EZH1: variants seen among roughly 807,000 people sequenced by gnomAD.
EZH1 encodes histone-lysine N-methyltransferase EZH1.
EZH1 carries 33 observed loss-of-function variants against 100.5 expected under a neutral mutation model. That is an observed-to-expected ratio of 0.33 (90% confidence interval 0.25 to 0.44). The LOEUF is 0.44. EZH1 is among the 20% of genes least tolerant of loss of function. EZH1 has a pLI of 1.00. For synonymous variants in EZH1, 272 were observed against 313.8 expected (o/e 0.87, Z 1.41); for missense variants, 475 against 928.4 (o/e 0.51, Z 6.35).
chr17:42,724,219 A>G, intron 5 of EZH1, 86 bp downstream of exon 5: 1 of 1,522,236 alleles, frequency 6.6e-7, no homozygotes, highest in South Asian at 1.1e-5. Context: ...ATTACTGGAC[A>G]ATCTTTACCC....
intron 1 of EZH1, among the ~76,000 whole-genome samples, chr17:42,742,895 G>C (rs948180400): frequency 2.0e-5 from 3 of 151,424 alleles, no homozygotes; most frequent in Non-Finnish European, 2.9e-5. Flanking sequence ...TTTTGAGATG[G>C]AGTCTTGCTC....
intron 11 of EZH1, 64 bp downstream of exon 11, chr17:42,713,145 T>C: frequency 6.7e-7 from 1 of 1,502,080 alleles, no homozygotes; most frequent in Non-Finnish European, 9.1e-7. Context: ...TGTCAGGCAG[T>C]GATCCTGGGT....
intron 10 of EZH1, among the ~76,000 whole-genome samples, chr17:42,717,538 T>C (rs1000215170): frequency 2.6e-5 from 4 of 152,186 alleles, no homozygotes; most frequent in African/African-American, 9.7e-5. Flanking sequence ...TTATGCTGCT[T>C]CTTAAGGTCT....
chr17:42,722,317 TA>T (rs879940984), intron 6 of EZH1, among the ~76,000 whole-genome samples: 16 of 140,648 alleles, frequency 1.1e-4, no homozygotes, highest in South Asian at 2.3e-4. Flanking sequence ...TCCCTGTCTC[TA>T]AAAAAAAAAT....
chr17:42,718,768 T>C lies in EZH1; in HGVS notation c.768-151A>G. 1 of 741,168 alleles carries C rather than the reference T, an allele frequency of 1.3e-6. No homozygotes were observed. The highest frequency in any genetic ancestry group is 2.7e-5 in the East Asian group (1 of 37,222). The allele number at this position is 741,168 out of a possible 1,614,324, so 45.9% of individuals were successfully genotyped here. ...GGTTGATAAGAGAATGGTAGATAAC[T>C]AGAGTGGGTCCACCATTGTAATTAT... On this transcript the variant is annotated intron_variant, in intron 8 of 20. Coordinates refer to ENST00000428826, the MANE Select transcript of EZH1 (RefSeq NM_001991.5). The surrounding 1 kb of genome is among the most constrained non-coding windows in gnomAD (Gnocchi z 4.2).
Position 42,718,145 on chromosome 17 carries a change from G to C in EZH1, c.932-78C>G, listed in dbSNP as rs1052982083. ...GGGAGAAACAAAAGTGAATTAGAGA[G>C]CTATTGTAGGAGTTAGAATTCGATA... is the stretch of plus-strand genomic sequence containing the variant. On this transcript the variant is annotated intron_variant, in intron 9 of 20. Transcript: ENST00000428826. This position sits in a 1 kb window ranked among gnomAD's most constrained non-coding sequence, Gnocchi z 4.2. 2 of 1,262,110 alleles carry C rather than the reference G, an allele frequency of 1.6e-6. No homozygotes were observed. Among genetic ancestry groups the C allele is most frequent in the African/African-American group, 2.9e-5 (2 of 68,008 alleles). The allele number at this position is 1,262,110 out of a possible 1,614,324, so 78.2% of individuals were successfully genotyped here.
chr17:42,727,831 T>C, intron 3 of EZH1, 68 bp from the exon 4 acceptor site: 1 of 1,149,762 alleles, frequency 8.7e-7, no homozygotes. Context: ...TTTATTTTTT[T>C]GAGATGGAGT....
At chr17:42,735,046 A>AGGGGG (rs1310036688) in intron 1 of EZH1, among the ~76,000 whole-genome samples, 133 of 94,222 alleles carry the variant, frequency 1.4e-3, no homozygotes, top group African/African-American at 5.3e-3. Flanking sequence ...GGAGGGCGGG[A>AGGGGG]GGGAGGGAAG....
chr17:42,720,256 G>A lies in EZH1; in HGVS notation c.664+17C>T. 6.2e-7 allele frequency: 1 copy of A among 1,602,752 alleles called. No individual in the cohort carries two copies. Reference sequence around the variant, plus strand: ...CTGTCACTTTAAAAAAGGAATAAGGGAGCCAGTGCTACGTACCTTCAATAG... The same window carrying A: ...CTGTCACTTTAAAAAAGGAATAAGGAAGCCAGTGCTACGTACCTTCAATAG... On this transcript the variant is annotated intron_variant, in intron 7 of 20. Coordinates refer to ENST00000428826, the MANE Select transcript of EZH1 (RefSeq NM_001991.5).
chr17:42,729,898 T>C (rs1438238330), intron 2 of EZH1, among the ~76,000 whole-genome samples: 3 of 151,566 alleles, frequency 2.0e-5, no homozygotes, highest in Non-Finnish European at 4.4e-5. Flanking sequence ...ATTAGCTGGA[T>C]GTGGTGGCAC....
rs1272512975 is a variant in EZH1, at chr17:42,702,395, G to A, written c.*137C>T. ...TTTGTGCCCTCTGGACATGGCAGAGGCCTCACTACAGAGGGAGTGGGTTGG... is the reference window on the plus strand; with the variant it reads ...TTTGTGCCCTCTGGACATGGCAGAGACCTCACTACAGAGGGAGTGGGTTGG... On this transcript the variant is annotated 3_prime_UTR_variant, in exon 21 of 21. Transcript: ENST00000428826. The A allele has an allele frequency of 3.0e-6, 2 of 667,608 alleles. No individual in the cohort carries two copies. The highest frequency in any genetic ancestry group is 4.2e-4 in the Middle Eastern group (1 of 2,396). The allele number at this position is 667,608 out of a possible 1,614,324, so 41.4% of individuals were successfully genotyped here.
chr17:42,719,121 C>T lies in EZH1; in HGVS notation c.751G>A (p.Asp251Asn). The T allele has an allele frequency of 6.2e-7, 1 of 1,613,824 alleles. No individual in the cohort carries two copies. Among genetic ancestry groups the T allele is most frequent in the Non-Finnish European group, 8.5e-7 (1 of 1,179,774 alleles). ...ASMFPENGVP[D>N]DMKERYRELT... The stretch of plus-strand genomic sequence containing the variant: ...TTTCCCTACCTCTCCTTCATGTCAT[C>T]TGGGACACCATTCTCAGGGAACATT... The change falls in exon 8 of 21, where the codon GAT (aspartate) becomes AAT (asparagine). Residue 251 changes from aspartate (D) to asparagine (N), a missense_variant. By Grantham distance (23) the Asp-to-Asn change is conservative. Transcript: ENST00000428826.
chr17:42,727,675 T>C lies in EZH1; in HGVS notation c.206A>G (p.Gln69Arg), dbSNP rs1284876132. ...GTGTCCACTCACAGGCTTCATTGAC[T>C]GAACAGGTTGGACACGAAGCTTCTT... ...EWKKLRVQPV[Q>R]SMKPVSGHPF... The change falls in exon 4 of 21, where the codon CAG becomes CGG. Residue 69 changes from glutamine (Q) to arginine (R), a missense_variant. Gln to Arg is a conservative substitution (Grantham distance 43). Transcript: ENST00000428826. 2 of 1,612,338 alleles carry C rather than the reference T, an allele frequency of 1.2e-6. No individual in the cohort carries two copies. Among genetic ancestry groups the C allele is most frequent in the Non-Finnish European group, 8.5e-7 (1 of 1,179,460 alleles).
chr17:42,714,438 G>A (rs540304478), intron 10 of EZH1: 7 of 334,400 alleles, frequency 2.1e-5, no homozygotes, highest in African/African-American at 8.5e-5. Context: ...TGCATGTGGC[G>A]TGTGCCCAGC....
intron 7 of EZH1, among the ~76,000 whole-genome samples, chr17:42,720,040 CAT>C (rs1015649951): frequency 5.3e-5 from 8 of 152,336 alleles, no homozygotes; most frequent in South Asian, 2.1e-4. Flanking sequence ...CCCAATTTCA[CAT>C]GAGACATATA....
intron 1 of EZH1, among the ~76,000 whole-genome samples, chr17:42,734,240 A>G (rs2054018738): frequency 6.6e-6 from 1 of 151,862 alleles, no homozygotes; most frequent in South Asian, 2.1e-4. Flanking sequence ...AGGTTTCACC[A>G]TGTTGACCAG....
rs746093812 is a variant in EZH1 at position 42,728,933 on chromosome 17, T to C, written c.9A>G (p.Ile3Met). 2 of 1,612,662 alleles carry C rather than the reference T, an allele frequency of 1.2e-6. No individual in the cohort carries two copies. Among genetic ancestry groups the C allele is most frequent in the Non-Finnish European group, 1.7e-6 (2 of 1,179,494 alleles). The part of the protein sequence containing the change: ME[I>M]PNPPTSKCIT... ...TACATTTGGAGGTAGGGGGATTTGG[T>C]ATTTCCATCTTGCTGTAATCTAAGA... is the stretch of plus-strand genomic sequence containing the variant. Residue 3 changes from isoleucine (I) to methionine (M), a missense_variant, in exon 3 of 21, where the codon ATA (isoleucine) becomes ATG (methionine). Ile to Met is a conservative substitution (Grantham distance 10). This residue lies in a region of EZH1 where 105 missense variants were observed against 129.8 expected (regional missense o/e 0.81). Transcript: ENST00000428826.
chr17:42,731,794 G>C (rs2053954413), intron 1 of EZH1: 2 of 152,124 alleles, frequency 1.3e-5, no homozygotes, highest in South Asian at 4.1e-4. Flanking sequence ...CAGCTACTCG[G>C]GAGGCTGAGG....
intron 4 of EZH1, 39 bp from the exon 5 acceptor site, chr17:42,724,463 C>T (rs2053777942): frequency 6.2e-7 from 1 of 1,604,354 alleles, no homozygotes; most frequent in Non-Finnish European, 8.5e-7. Flanking sequence ...GAAAGACGGG[C>T]ATATAACCCA....
Sources: gnomAD v4.1 joint callset for allele counts (sites outside exome capture counted in the v4.1 genomes callset) on GRCh38, gnomAD v4.1.1 for gene constraint, gnomAD v4.1.1 regional missense constraint, Gnocchi (gnomAD v3.1) non-coding constraint, MANE v1.5 for transcripts, NCBI Gene and HGNC (gene_info 2026-07-23, HGNC 2026-07-21) for gene names.